Variants in RIGI observed in about 807,000 individuals in gnomAD.
The protein encoded by RIGI is antiviral innate immune response receptor RIG-I.
the RIGI span, among the ~76,000 whole-genome samples, chr9:32,493,404 T>C: frequency 6.6e-6 from 1 of 152,130 alleles, no homozygotes; most frequent in Admixed American, 6.5e-5. Context: ...GGCGGGTGGA[T>C]CACGAGGTCA....
At chr9:32,515,485 A>G in the RIGI span, among the ~76,000 whole-genome samples, 1 of 152,050 alleles carries the variant, frequency 6.6e-6, no homozygotes, top group South Asian at 2.1e-4. Context: ...TTTTCCATTT[A>G]TCTTTGCTTC....
chr9:32,483,591 T>G, the RIGI span, among the ~76,000 whole-genome samples: 1 of 152,112 alleles, frequency 6.6e-6, no homozygotes. Context: ...TGGTCTCCCT[T>G]CCTCTTGCCT....
the RIGI span, chr9:32,480,404 C>T: frequency 6.7e-7 from 1 of 1,502,356 alleles, no homozygotes; most frequent in Admixed American, 1.8e-5. Context: ...CTAACACATT[C>T]ACTGTATTTA....
At chr9:32,514,032 C>T in the RIGI span, among the ~76,000 whole-genome samples, 2 of 152,224 alleles carry the variant, frequency 1.3e-5, no homozygotes, top group Admixed American at 1.3e-4. Flanking sequence ...GAGATACCAT[C>T]TCATGCCAGT....
the RIGI span, chr9:32,487,679 A>G: frequency 1.9e-6 from 3 of 1,596,682 alleles, no homozygotes; most frequent in Non-Finnish European, 2.6e-6. Flanking sequence ...AAATGGTACA[A>G]TGTTTCCACA....
chr9:32,475,290 T>A, the RIGI span, among the ~76,000 whole-genome samples: 1 of 152,188 alleles, frequency 6.6e-6, no homozygotes, highest in Middle Eastern at 3.4e-3. Context: ...CCCAGCAGAT[T>A]TTTTCATAGA....
the RIGI span, chr9:32,459,409 C>T: frequency 1.2e-6 from 2 of 1,613,850 alleles, no homozygotes; most frequent in East Asian, 2.2e-5. Flanking sequence ...CATGCCAAGG[C>T]TTTGCACTTT....
chr9:32,521,139 C>CAAAAA, the RIGI span, among the ~76,000 whole-genome samples: 21 of 32,758 alleles, frequency 6.4e-4, 2 homozygotes, highest in African/African-American at 1.3e-3. Flanking sequence ...GACACCATCT[C>CAAAAA]AAAAAAAAAA....
chr9:32,503,619 T>G, the RIGI span, among the ~76,000 whole-genome samples: 17 of 152,190 alleles, frequency 1.1e-4, no homozygotes, highest in African/African-American at 3.1e-4. Flanking sequence ...ACATTTGTCT[T>G]GTGATCATCA....
At chr9:32,471,514 A>G in the RIGI span, among the ~76,000 whole-genome samples, 1 of 152,222 alleles carries the variant, frequency 6.6e-6, no homozygotes, top group Admixed American at 6.5e-5. Flanking sequence ...AGGAGCTCAC[A>G]TTTTGTAGAA....
At chr9:32,467,978 C>T in the RIGI span, 1 of 1,489,418 alleles carries the variant, frequency 6.7e-7, no homozygotes. Flanking sequence ...AAAGAGGGAA[C>T]TTCCCCCTTG....
At chr9:32,480,168 C>G in the RIGI span, 1 of 1,559,460 alleles carries the variant, frequency 6.4e-7, no homozygotes, top group African/African-American at 1.4e-5. Context: ...TTTTGCCATT[C>G]CAGTCACCAA....
At chr9:32,521,296 T>C in the RIGI span, among the ~76,000 whole-genome samples, 1 of 152,158 alleles carries the variant, frequency 6.6e-6, no homozygotes. Context: ...AAAATGTTTG[T>C]ATAATATTGA....
chr9:32,488,812 T>C, the RIGI span: 2 of 1,613,428 alleles, frequency 1.2e-6, no homozygotes, highest in Non-Finnish European at 1.7e-6. Context: ...AAAGACAACT[T>C]TCCCCTTTTG....
At chr9:32,498,248 C>G in the RIGI span, 1 of 456,356 alleles carries the variant, frequency 2.2e-6, no homozygotes, top group African/African-American at 2.0e-5. Flanking sequence ...AAAACTCCAC[C>G]CTTGGATCTT....
the RIGI span, among the ~76,000 whole-genome samples, chr9:32,512,820 C>G: frequency 6.6e-6 from 1 of 151,916 alleles, no homozygotes; most frequent in Non-Finnish European, 1.5e-5. Context: ...TCTAGAAAAC[C>G]CCATCATCTC....
chr9:32,499,069 G>C, the RIGI span, among the ~76,000 whole-genome samples: 3 of 150,768 alleles, frequency 2.0e-5, no homozygotes, highest in Middle Eastern at 3.5e-3. Flanking sequence ...CTATTCAGTA[G>C]TTATAAAATG....
chr9:32,498,901 C>T, the RIGI span, among the ~76,000 whole-genome samples: 2 of 149,258 alleles, frequency 1.3e-5, no homozygotes, highest in East Asian at 2.0e-4. Flanking sequence ...GAAAATAGCT[C>T]GAACCCGGGA....
At chr9:32,457,183 G>T in the RIGI span, 2 of 1,613,812 alleles carry the variant, frequency 1.2e-6, no homozygotes, top group Non-Finnish European at 8.5e-7. Context: ...CTTCCACTTC[G>T]AGTACAGTGT....
Sources: gnomAD v4.1 joint callset for allele counts (sites outside exome capture counted in the v4.1 genomes callset) on GRCh38, gnomAD v4.1.1 for gene constraint, MANE v1.5 for transcripts, NCBI Gene and HGNC (gene_info 2026-07-23, HGNC 2026-07-21) for gene names.